Variants in DNAH12 observed in about 807,000 individuals in gnomAD.
The protein encoded by DNAH12 is dynein axonemal heavy chain 12.
A neutral mutation model predicts 371.5 loss-of-function variants in DNAH12; 285 were observed. That is an observed-to-expected ratio of 0.77 (90% CI 0.70 to 0.85). The LOEUF is 0.85. Among genes scored for constraint, DNAH12 ranks in the 40% least tolerant of loss-of-function variants. The probability of loss-of-function intolerance (pLI) is 0.00; values close to 1 mark genes in which losing one functional copy is unlikely to be tolerated. For synonymous variants in DNAH12, 1,200 were observed against 1,213.0 expected, an observed-to-expected ratio of 0.99 and a Z score of 0.22; for missense variants, 3,611 against 3,689.4, an observed-to-expected ratio of 0.98 and a Z score of 0.55.
chr3:57,349,125 C>G (rs977724983), intron 60 of DNAH12, among the ~76,000 whole-genome samples: 6 of 151,976 alleles, frequency 3.9e-5, no homozygotes, highest in African/African-American at 1.2e-4. Context: ...CTCAAATTAG[C>G]AAGAAAAAAA....
intron 13 of DNAH12, among the ~76,000 whole-genome samples, chr3:57,477,588 G>T (rs550376542): frequency 6.6e-6 from 1 of 152,298 alleles, no homozygotes; most frequent in South Asian, 2.1e-4. Flanking sequence ...GGTTCTCCCA[G>T]CATGCAGCTG....
intron 60 of DNAH12, among the ~76,000 whole-genome samples, chr3:57,341,962 T>C (rs1041961515): frequency 2.2e-4 from 34 of 152,154 alleles, no homozygotes; most frequent in Non-Finnish European, 1.3e-4. Context: ...AATTAATCCA[T>C]GTATCTACAG....
chr3:57,471,668 A>T, intron 14 of DNAH12, 62 bp from the exon 15 acceptor site: 1 of 1,377,164 alleles, frequency 7.3e-7, no homozygotes, highest in Non-Finnish European at 9.6e-7. Context: ...CAAGTCAGAA[A>T]TCCAAATACT....
At chr3:57,395,890 G>C (rs1055997036) in intron 43 of DNAH12, among the ~76,000 whole-genome samples, 1 of 152,018 alleles carries the variant, frequency 6.6e-6, no homozygotes, top group East Asian at 1.9e-4. Flanking sequence ...CTGGGAGGTT[G>C]AGGCTGCAGT....
intron 69 of DNAH12, among the ~76,000 whole-genome samples, chr3:57,302,553 A>ATGGTTTTTTT (rs1559535314): frequency 2.3e-5 from 2 of 86,392 alleles, no homozygotes; most frequent in Admixed American, 1.6e-4. Context: ...ATATATATAT[A>ATGGTTTTTTT]TATATATATA....
intron 39 of DNAH12, 103 bp from the exon 40 acceptor site, chr3:57,408,638 TA>T: frequency 1.5e-6 from 2 of 1,316,270 alleles, no homozygotes; most frequent in South Asian, 4.0e-5. Context: ...TTAGCTTCTC[TA>T]AAAGGAATAA....
chr3:57,424,547 G>A (rs973618397), intron 35 of DNAH12, among the ~76,000 whole-genome samples: 2 of 151,692 alleles, frequency 1.3e-5, no homozygotes, highest in African/African-American at 2.4e-5. Flanking sequence ...GGAGGCCGAT[G>A]CGGGTGGATC....
intron 34 of DNAH12, among the ~76,000 whole-genome samples, chr3:57,427,138 A>ATGTGATATGTGTGTGTG (rs564544771): frequency 1.7e-4 from 23 of 138,870 alleles, no homozygotes; most frequent in African/African-American, 6.4e-4. Context: ...TAAGAAGCGA[A>ATGTGATATGTGTGTGTG]TGTGTGTGTG....
At chr3:57,470,413 C>T in intron 16 of DNAH12, 30 bp downstream of exon 16, 3 of 1,477,304 alleles carry the variant, frequency 2.0e-6, no homozygotes, top group Non-Finnish European at 1.8e-6. Context: ...CTATCATTTG[C>T]TTGATTTTTA....
At chr3:57,429,836 T>G in intron 32 of DNAH12, 62 bp from the exon 33 acceptor site, 2 of 1,357,750 alleles carry the variant, frequency 1.5e-6, no homozygotes, top group Admixed American at 2.9e-5. Flanking sequence ...AGATAAAAAT[T>G]TATACTATGT....
At chr3:57,374,407 A>G (rs2153338562) in intron 55 of DNAH12, among the ~76,000 whole-genome samples, 2 of 152,184 alleles carry the variant, frequency 1.3e-5, no homozygotes, top group East Asian at 3.8e-4. Context: ...TCACTACATA[A>G]CCATTATAGA....
intron 58 of DNAH12, among the ~76,000 whole-genome samples, chr3:57,360,556 C>T (rs1177957534): frequency 6.6e-6 from 1 of 151,856 alleles, no homozygotes; most frequent in African/African-American, 2.4e-5. Context: ...GGTGTGGTGG[C>T]TTATGCCTGT....
intron 40 of DNAH12, among the ~76,000 whole-genome samples, chr3:57,407,418 T>C (rs575627335): frequency 1.3e-4 from 20 of 152,284 alleles, no homozygotes; most frequent in African/African-American, 4.8e-4. Context: ...GAAGCACTTT[T>C]CTGTATCAGA....
intron 29 of DNAH12, among the ~76,000 whole-genome samples, chr3:57,439,331 A>G (rs1232004016): frequency 6.6e-6 from 1 of 152,246 alleles, no homozygotes; most frequent in African/African-American, 2.4e-5. Context: ...CCAAAACTGT[A>G]TGGTACTGGT....
chr3:57,347,056 T>C (rs188719241), intron 60 of DNAH12, among the ~76,000 whole-genome samples: 13 of 152,106 alleles, frequency 8.5e-5, no homozygotes, highest in African/African-American at 2.7e-4. Context: ...ACTAAACATA[T>C]AGGAAGAAAT....
At position 57,310,822 on chromosome 3, in the gene DNAH12, A is replaced by G; in HGVS notation, c.10791T>C (p.Phe3597=). The change falls in exon 67 of 74, where the codon TTT becomes TTC. Residue 3597 remains phenylalanine (F), a synonymous_variant. Coordinates refer to ENST00000495027, the MANE Select transcript of DNAH12 (RefSeq NM_001366028.2). ...RRLLLTMLAD[F]YNLYIVENPH... is the part of the protein sequence containing the mutation. ...GGTTTTCAACTATGTACAGATTATA[A>G]AAGTCAGCCAGCATGGTTAATAGAA... 6.4e-7 allele frequency: 1 copy of G among 1,551,680 alleles called. No individual in the cohort carries two copies. Among genetic ancestry groups the G allele is most frequent in the Non-Finnish European group, 8.7e-7 (1 of 1,146,974 alleles).
chr3:57,528,011 G>C (rs1211957888), intron 2 of DNAH12, among the ~76,000 whole-genome samples: 1 of 58,678 alleles, frequency 1.7e-5, no homozygotes, highest in Non-Finnish European at 3.4e-5. Context: ...CGTAGTCTTA[G>C]ATTTAAGTCT....
chr3:57,525,398 G>T (rs1193934080), intron 2 of DNAH12, among the ~76,000 whole-genome samples: 2 of 152,140 alleles, frequency 1.3e-5, no homozygotes, highest in African/African-American at 4.8e-5. Context: ...CCTAATAGAT[G>T]AATCCTCTCA....
In DNAH12 at chr3:57,293,979, A is replaced by G. The variant is rs2061175992; in HGVS notation, c.11693-8T>C. ...TAATCCGAGATTTTTGAGCTTGAAA[A>G]AAAAAAAGAAATATATTCACTTGAT... On this transcript the variant is annotated splice_region_variant and splice_polypyrimidine_tract_variant and intron_variant, in intron 73 of 73. Transcript: ENST00000495027. The G allele has an allele frequency of 1.4e-6, 2 of 1,428,664 alleles. No individual in the cohort carries two copies. Among genetic ancestry groups the G allele is most frequent in the Non-Finnish European group, 9.2e-7 (1 of 1,085,262 alleles). 88.5% of individuals were successfully genotyped at this position (1,428,664 alleles called of 1,614,324 possible). A position where few individuals can be genotyped will look rare whatever the true frequency, so the allele number is the denominator to read the frequency against.
Sources: allele counts gnomAD v4.1 joint callset (sites outside exome capture counted in the v4.1 genomes callset), GRCh38; gene constraint gnomAD v4.1.1; transcripts MANE v1.5; gene names NCBI Gene and HGNC (gene_info 2026-07-23, HGNC 2026-07-21).